The following MPP7 variants were observed in gnomAD, a reference collection of about 807,000 sequenced individuals.
MPP7 encodes the protein MAGUK p55 scaffold protein 7, also known as MAGUK p55 subfamily member 7.
MPP7 carries 60 observed loss-of-function variants against 76.5 expected under a neutral mutation model. That is an observed-to-expected ratio of 0.78 (90% confidence interval 0.64 to 0.97). The LOEUF is 0.97. Among genes scored for constraint, MPP7 ranks in the 50% least tolerant of loss-of-function variants. The probability of loss-of-function intolerance (pLI) is 0.00; values close to 1 mark genes in which losing one functional copy is unlikely to be tolerated. For missense variants in MPP7, 641 were observed against 694.0 expected (o/e 0.92, Z 0.86); for synonymous variants, 237 against 244.5 (o/e 0.97, Z 0.29).
chr10:28,191,444 T>G (rs1388521243), intron 3 of MPP7, among the ~76,000 whole-genome samples: 2 of 152,142 alleles, frequency 1.3e-5, no homozygotes, highest in African/African-American at 4.8e-5. Context: ...TATATACAGA[T>G]TGAGCATCCC....
chr10:28,252,677 A>G (rs1839651563), intron 1 of MPP7, among the ~76,000 whole-genome samples: 1 of 141,102 alleles, frequency 7.1e-6, no homozygotes, highest in African/African-American at 2.7e-5. Context: ...AGGCAACCAG[A>G]TGAGATTTTT....
chr10:28,188,747 G>C (rs1454473443), intron 3 of MPP7, among the ~76,000 whole-genome samples: 3 of 149,272 alleles, frequency 2.0e-5, no homozygotes, highest in Non-Finnish European at 4.4e-5. Context: ...TAGAGGACAA[G>C]GATAAGAATT....
chr10:28,174,233 T>C (rs891820161), intron 3 of MPP7, among the ~76,000 whole-genome samples: 9 of 152,064 alleles, frequency 5.9e-5, no homozygotes, highest in Admixed American at 3.3e-4. Flanking sequence ...CCCAGTGCTA[T>C]GGTTTGGATA....
In MPP7 at chr10:28,250,013, C is replaced by CA. The variant is rs34565971; in HGVS notation, c.-131-11279dup. On this transcript the variant is annotated intron_variant, in intron 1 of 16. Coordinates refer to ENST00000683449, the MANE Select transcript of MPP7 (RefSeq NM_001318170.2). ...CTATATATCCATCTCTTGAAAGTCT[C>CA]AAAAAAAAAAAAAACTGTAGAAAGA... Among the ~76,000 whole-genome samples the CA allele has an allele frequency of 9.3e-3, 1,352 of 145,292 alleles. 17 individuals are homozygous for CA. Among genetic ancestry groups the CA allele is most frequent in the African/African-American group, 0.027 (1,084 of 39,728 alleles).
intron 3 of MPP7, among the ~76,000 whole-genome samples, chr10:28,192,024 T>C (rs184295623): frequency 1.3e-3 from 191 of 152,056 alleles, no homozygotes; most frequent in African/African-American, 4.4e-3. Context: ...CTTGAGAAGC[T>C]GAGGCACGAG....
At chr10:28,240,208 T>C (rs995845266) in intron 1 of MPP7, among the ~76,000 whole-genome samples, 9 of 152,128 alleles carry the variant, frequency 5.9e-5, no homozygotes, top group Non-Finnish European at 1.2e-4. Flanking sequence ...TAGAAGCATA[T>C]TTTTAACATA....
chr10:28,282,776 C>A (rs1159694693), intron 1 of MPP7, among the ~76,000 whole-genome samples: 1 of 151,888 alleles, frequency 6.6e-6, no homozygotes, highest in African/African-American at 2.4e-5. Context: ...TCAGTTCAAC[C>A]CCTCGCTATT....
chr10:28,238,472 T>C, intron 2 of MPP7, 96 bp downstream of exon 2: 1 of 1,313,630 alleles, frequency 7.6e-7, no homozygotes, highest in South Asian at 1.2e-5. Flanking sequence ...AAAACAAGCA[T>C]GATCTGCCTG....
At chr10:28,096,461 G>A (rs959306684) in intron 11 of MPP7, among the ~76,000 whole-genome samples, 1 of 151,986 alleles carries the variant, frequency 6.6e-6, no homozygotes, top group Admixed American at 6.6e-5. Context: ...TAAATTGTTG[G>A]TTTATAAATT....
intron 5 of MPP7, among the ~76,000 whole-genome samples, chr10:28,142,246 A>C (rs1355650203): frequency 6.6e-6 from 1 of 152,202 alleles, no homozygotes; most frequent in African/African-American, 2.4e-5. Context: ...AAAATAACTA[A>C]GGAGAAATCT....
intron 12 of MPP7, among the ~76,000 whole-genome samples, chr10:28,085,064 T>C (rs889303238): frequency 1.3e-5 from 2 of 152,192 alleles, no homozygotes; most frequent in African/African-American, 4.8e-5. Flanking sequence ...GGAAAATGAA[T>C]GAACAGTCCT....
chr10:28,144,248 A>G (rs1164427568), intron 5 of MPP7, among the ~76,000 whole-genome samples: 1 of 152,080 alleles, frequency 6.6e-6, no homozygotes, highest in Non-Finnish European at 1.5e-5. Flanking sequence ...CAATGCCTCA[A>G]AAGCTTGGTC....
chr10:28,133,314 A>C (rs1178202115), intron 5 of MPP7, among the ~76,000 whole-genome samples: 1 of 152,168 alleles, frequency 6.6e-6, no homozygotes. Context: ...GGGATGACCA[A>C]ACTCTCCAGG....
intron 6 of MPP7, among the ~76,000 whole-genome samples, chr10:28,130,750 T>C (rs568401921): frequency 6.6e-6 from 1 of 152,322 alleles, no homozygotes; most frequent in South Asian, 2.1e-4. Context: ...TTGAAAGTAT[T>C]TTCTATTCTT....
intron 3 of MPP7, among the ~76,000 whole-genome samples, chr10:28,194,365 G>A (rs986874581): frequency 1.3e-5 from 2 of 152,128 alleles, no homozygotes; most frequent in Non-Finnish European, 2.9e-5. Flanking sequence ...ACTGTGCTCC[G>A]TGATATTTAT....
At position 28,120,247 on chromosome 10, in the gene MPP7, T is replaced by C; in HGVS notation, c.834A>G (p.Glu278=). The stretch of plus-strand genomic sequence containing the variant: ...AGCCTGCCCTGGGGTTGGCATCAGC[T>C]TCGTGTTTCGCTTGCCACCAAGTTG... The part of the protein sequence containing the change: ...DDATWWQAKH[E]ADANPRAGLI... Residue 278 remains glutamate (E), a synonymous_variant, in exon 10 of 17, where the codon GAA becomes GAG. Coordinates refer to ENST00000683449, the MANE Select transcript of MPP7 (RefSeq NM_001318170.2). The C allele has an allele frequency of 3.1e-6, 5 of 1,614,044 alleles. No homozygotes were observed. The highest frequency in any genetic ancestry group is 3.4e-6 in the Non-Finnish European group (4 of 1,179,948).
intron 5 of MPP7, among the ~76,000 whole-genome samples, chr10:28,135,450 CTTAAT>C (rs199543791): frequency 0.016 from 2,504 of 152,288 alleles, 62 homozygotes; most frequent in African/African-American, 0.057. Context: ...TTTTGATTGT[CTTAAT>C]TTAAAGGATG....
chr10:28,193,580 T>C (rs959389545), intron 3 of MPP7, among the ~76,000 whole-genome samples: 11 of 152,198 alleles, frequency 7.2e-5, no homozygotes, highest in African/African-American at 2.2e-4. Context: ...AGTTAGACTT[T>C]AGTAAAATGT....
chr10:28,271,172 A>G (rs998112050), intron 1 of MPP7, among the ~76,000 whole-genome samples: 3 of 152,252 alleles, frequency 2.0e-5, no homozygotes, highest in African/African-American at 4.8e-5. Context: ...GTATCTTTCC[A>G]TCTTTGCAGA....
Sources: gnomAD v4.1 joint callset for allele counts (sites outside exome capture counted in the v4.1 genomes callset) on GRCh38, gnomAD v4.1.1 for gene constraint, MANE v1.5 for transcripts, NCBI Gene and HGNC (gene_info 2026-07-23, HGNC 2026-07-21) for gene names.